SLC22A16: variants seen among roughly 807,000 people sequenced by gnomAD.
SLC22A16 encodes the protein solute carrier family 22 member 16, also known as WUGSC:RG331P03.1.
In SLC22A16, 53 loss-of-function variants were observed where a neutral mutation model predicts 52.9. The ratio of observed to expected loss-of-function variants is 1.00; its 90% CI spans 0.80 to 1.26. The LOEUF is 1.26. SLC22A16 is among the 50% of genes most tolerant of loss of function. The pLI, the probability that SLC22A16 is intolerant of heterozygous loss-of-function variation, is 0.00. For missense variants in SLC22A16, 726 were observed against 704.0 expected (o/e 1.03, Z -0.35); for synonymous variants, 291 against 268.8 (o/e 1.08, Z -0.81).
Position 110,431,263 on chromosome 6 carries a change from C to A in SLC22A16, c.1429G>T (p.Ala477Ser), listed in dbSNP as rs780334539. The A allele has an allele frequency of 1.2e-6, 2 of 1,611,976 alleles. No individual in the cohort carries two copies. Among genetic ancestry groups the A allele is most frequent in the Admixed American group, 3.3e-5 (2 of 60,008 alleles). ...ELYPTIVRSLAVGSGSMVCRL... is the reference protein window; with the variant it reads ...ELYPTIVRSLSVGSGSMVCRL... ...CACACCATGCTGCCGCTTCCCACAG[C>A]CAGCGATCTGGAAACAGAGGAGAGA... is the stretch of plus-strand genomic sequence containing the variant. Residue 477 changes from alanine (A) to serine (S), a missense_variant, in exon 7 of 8, where the codon GCT becomes TCT. Ala to Ser is a moderately conservative substitution (Grantham distance 99). Coordinates refer to ENST00000368919, the MANE Select transcript of SLC22A16 (RefSeq NM_033125.4).
intron 4 of SLC22A16, among the ~76,000 whole-genome samples, chr6:110,439,222 C>T (rs911456851): frequency 2.0e-5 from 3 of 152,164 alleles, no homozygotes; most frequent in Non-Finnish European, 2.9e-5. Flanking sequence ...AAATCCAAAA[C>T]GGTAGATAAT....
At chr6:110,431,649 C>T (rs545683570) in intron 6 of SLC22A16, among the ~76,000 whole-genome samples, 1 of 152,036 alleles carries the variant, frequency 6.6e-6, no homozygotes, top group Non-Finnish European at 1.5e-5. Context: ...CTGACAACCA[C>T]GAAATCACCA....
chr6:110,436,645 T>C (rs550865881), intron 5 of SLC22A16, among the ~76,000 whole-genome samples: 6 of 152,206 alleles, frequency 3.9e-5, no homozygotes, highest in African/African-American at 1.4e-4. Flanking sequence ...TATTTACTTT[T>C]CTTAAAAAAA....
intron 1 of SLC22A16, among the ~76,000 whole-genome samples, chr6:110,474,060 C>T (rs931194253): frequency 6.6e-6 from 1 of 152,146 alleles, no homozygotes; most frequent in Non-Finnish European, 1.5e-5. Context: ...ATTAGATTCT[C>T]ATAGGAACGT....
intron 4 of SLC22A16, among the ~76,000 whole-genome samples, chr6:110,441,708 A>G (rs1774973299): frequency 6.6e-6 from 1 of 152,216 alleles, no homozygotes; most frequent in Admixed American, 6.5e-5. Flanking sequence ...CTCCATGACA[A>G]TGGGCATGCT....
intron 1 of SLC22A16, among the ~76,000 whole-genome samples, chr6:110,462,468 G>T (rs574183168): frequency 6.6e-6 from 1 of 151,918 alleles, no homozygotes; most frequent in Non-Finnish European, 1.5e-5. Context: ...GGACATGAAA[G>T]ACAAAATAGA....
intron 1 of SLC22A16, among the ~76,000 whole-genome samples, chr6:110,463,442 C>T (rs1194323506): frequency 8.9e-6 from 1 of 111,918 alleles, no homozygotes; most frequent in East Asian, 2.6e-4. Context: ...ATATGTCATG[C>T]AAATGGAAAA....
At chr6:110,465,368 A>G (rs1776027152) in intron 1 of SLC22A16, among the ~76,000 whole-genome samples, 1 of 152,142 alleles carries the variant, frequency 6.6e-6, no homozygotes, top group Non-Finnish European at 1.5e-5. Flanking sequence ...CTGTTCCCTG[A>G]TAACATGATC....
chr6:110,434,242 AAAAAT>A (rs1007202902), intron 6 of SLC22A16, among the ~76,000 whole-genome samples: 3 of 152,110 alleles, frequency 2.0e-5, no homozygotes, highest in Admixed American at 1.3e-4. Context: ...CTGTCTCAAA[AAAAAT>A]AAAATAAAAT....
intron 1 of SLC22A16, among the ~76,000 whole-genome samples, chr6:110,472,284 G>T (rs1386055980): frequency 6.6e-6 from 1 of 152,040 alleles, no homozygotes; most frequent in Non-Finnish European, 1.5e-5. Context: ...AAAACTGTCT[G>T]GTTCTCCCTG....
chr6:110,432,375 A>G (rs1224121122), intron 6 of SLC22A16, among the ~76,000 whole-genome samples: 1 of 152,252 alleles, frequency 6.6e-6, no homozygotes, highest in East Asian at 1.9e-4. Context: ...AAAAAATACT[A>G]TAATATTCAT....
intron 7 of SLC22A16, among the ~76,000 whole-genome samples, chr6:110,425,748 T>C (rs1207482742): frequency 3.3e-5 from 5 of 152,240 alleles, no homozygotes; most frequent in African/African-American, 1.2e-4. Flanking sequence ...CGCCAAGGCG[T>C]TTGCTTTTAA....
rs376983712 is a variant in SLC22A16 at position 110,434,761 on chromosome 6, C to T, written c.1421+1091G>A. ...TTGGGAGGCCAAGGCTGGCGGATCACGAGGTCAGGAGTTCGAGACCAGCCT... is the reference window on the plus strand; with the variant it reads ...TTGGGAGGCCAAGGCTGGCGGATCATGAGGTCAGGAGTTCGAGACCAGCCT... On this transcript the variant is annotated intron_variant, in intron 6 of 7. Coordinates refer to ENST00000368919, the MANE Select transcript of SLC22A16 (RefSeq NM_033125.4). 3.0e-4 allele frequency among the ~76,000 whole-genome samples: 46 copies of T among 152,204 alleles called. No homozygotes were observed. The East Asian group carries it at 7.9e-3, about 26-fold the overall frequency.
intron 7 of SLC22A16, among the ~76,000 whole-genome samples, chr6:110,428,927 TAATAAA>T (rs936007390): frequency 2.9e-4 from 44 of 152,218 alleles, no homozygotes; most frequent in African/African-American, 8.9e-4. Flanking sequence ...CTCAGAAGAA[TAATAAA>T]AATAAAAGGA....
At chr6:110,448,677 C>A (rs1258042345) in intron 2 of SLC22A16, among the ~76,000 whole-genome samples, 1 of 152,092 alleles carries the variant, frequency 6.6e-6, no homozygotes, top group Non-Finnish European at 1.5e-5. Context: ...ACTGCTTGAC[C>A]CTCTCTCCCA....
Position 110,476,507 on chromosome 6 carries a change from G to GCCCCCCCCCCCCCCC in SLC22A16, c.53+14_53+15insGGGGGGGGGGGGGGG, listed in dbSNP as rs1554229887. 1.0e-5 allele frequency: 11 copies of GCCCCCCCCCCCCCCC among 1,072,974 alleles called. No homozygotes were observed. In the African/African-American group the frequency reaches 2.5e-4, roughly 25 times the overall value. 66.5% of individuals were successfully genotyped at this position (1,072,974 alleles called of 1,614,324 possible). ...GCCGCCTCCCGCGTGGCGCCGCGGG[G>GCCCCCCCCCCCCCCC]CCCCTCCCCCATACCTGCCGAAGTG... On this transcript the variant is annotated intron_variant, in intron 1 of 7. Transcript: ENST00000368919.
intron 1 of SLC22A16, 88 bp from the exon 2 acceptor site, chr6:110,457,105 T>C (rs1348137850): frequency 1.6e-6 from 2 of 1,269,684 alleles, no homozygotes; most frequent in African/African-American, 1.5e-5. Flanking sequence ...ATCATGTTTA[T>C]CTTAACATAT....
rs535347733 is a variant in SLC22A16, at chr6:110,439,827, C to A, written c.1184-980G>T. ...TCTCAAGCTATCTAAAGTGATTTAA[C>A]CTGCCATTAAAATGAAAGAAGTACA... On this transcript the variant is annotated intron_variant, in intron 4 of 7. Transcript: ENST00000368919. Among the ~76,000 whole-genome samples the A allele has an allele frequency of 2.4e-4, 37 of 152,232 alleles. No individual in the cohort carries two copies. The East Asian group carries it at 6.0e-3, about 25-fold the overall frequency.
Position 110,456,532 on chromosome 6 carries a change from T to C in SLC22A16, c.533+6A>G. 1 of 1,613,402 alleles carries C rather than the reference T, an allele frequency of 6.2e-7. No homozygotes were observed. The highest frequency in any genetic ancestry group is 2.2e-5 in the East Asian group (1 of 44,866). ...TGATACAACAATCCTAAATATTTGA[T>C]TTTACCTGTCAGAAAAGTAGCCAAA... On this transcript the variant is annotated splice_donor_region_variant and intron_variant, in intron 2 of 7. Transcript: ENST00000368919.
Sources: allele counts gnomAD v4.1 joint callset (sites outside exome capture counted in the v4.1 genomes callset), GRCh38; gene constraint gnomAD v4.1.1; transcripts MANE v1.5; gene names NCBI Gene and HGNC (gene_info 2026-07-23, HGNC 2026-07-21).